The following SSC5D variants were observed in gnomAD, a reference collection of about 807,000 sequenced individuals.
SSC5D encodes the protein soluble scavenger receptor cysteine-rich domain-containing protein SSC5D.
In SSC5D, 106 loss-of-function variants were observed where a neutral mutation model predicts 104.6. The observed-to-expected ratio is 1.01, with a 90% CI of 0.87 to 1.19. SSC5D has a LOEUF of 1.19. Ranked by LOEUF, SSC5D falls within the 50% of genes most tolerant of loss-of-function variation. The probability of loss-of-function intolerance (pLI) is 0.00; values close to 1 mark genes in which losing one functional copy is unlikely to be tolerated. For synonymous variants in SSC5D, 860 were observed against 883.5 expected (o/e 0.97, Z 0.47); for missense variants, 1,993 against 2,153.8 (o/e 0.93, Z 1.48).
rs1003635037 is a variant in SSC5D at position 55,493,743 on chromosome 19, AGGGGCGCTGGCCGCCCCCG to A, written c.1052_1070del (p.Leu351ProfsTer79). 21 of 1,523,262 alleles carry A rather than the reference AGGGGCGCTGGCCGCCCCCG, an allele frequency of 1.4e-5. No individual in the cohort carries two copies. Among genetic ancestry groups the A allele is most frequent in the Middle Eastern group, 3.6e-4 (2 of 5,614 alleles). The allele number at this position is 1,523,262 out of a possible 1,614,324, so 94.4% of individuals were successfully genotyped here. On this transcript the variant is annotated frameshift_variant, in exon 7 of 14. Coordinates refer to ENST00000389623, the MANE Select transcript of SSC5D (RefSeq NM_001144950.2). LOFTEE classifies it high-confidence loss of function. ...TGGCCTGCCGAGAGCTGGGCTGCGGAGGGGCGCTGGCCGCCCCCGGGGGCGCCTTCTTTGGGGAGGGGTC... is the reference window on the plus strand; with the variant it reads ...TGGCCTGCCGAGAGCTGGGCTGCGGAGGGGCGCCTTCTTTGGGGAGGGGTC...
rs1219172280 is a variant in SSC5D at position 55,501,018 on chromosome 19, C to A, written c.2618-16C>A. On this transcript the variant is annotated splice_polypyrimidine_tract_variant and intron_variant, in intron 11 of 13. Coordinates refer to ENST00000389623, the MANE Select transcript of SSC5D (RefSeq NM_001144950.2). ...GAAAGAGGATGGGGTCAACCATTAC[C>A]CCAATTTCTCCAAAGGCTACACAGA... 2 of 1,551,710 alleles carry A rather than the reference C, an allele frequency of 1.3e-6. No individual in the cohort carries two copies. The highest frequency in any genetic ancestry group is 1.7e-6 in the Non-Finnish European group (2 of 1,146,928).
In SSC5D at chr19:55,500,790, G is replaced by A. The variant is rs930258067; in HGVS notation, c.2603G>A (p.Gly868Glu). The change falls in exon 11 of 14, where the codon GGG (glycine) becomes GAG (glutamate). Residue 868 changes from glycine to glutamate, a missense_variant. Physicochemically the swap from Gly to Glu is moderately conservative, Grantham distance 98. Coordinates refer to ENST00000389623, the MANE Select transcript of SSC5D (RefSeq NM_001144950.2). This position sits in a 1 kb window ranked among gnomAD's most constrained non-coding sequence, Gnocchi z 4.6. ...KHNCDHEEDV[G>E]LTCTGYTDYD... ...AACTGTGACCACGAGGAAGACGTGG[G>A]GCTCACCTGCACTGGTACCAGGGCA... 23 of 1,550,076 alleles carry A rather than the reference G, an allele frequency of 1.5e-5. No homozygotes were observed. In the African/African-American group the frequency reaches 2.3e-4, roughly 16 times the overall value.
In SSC5D at chr19:55,517,273, G is replaced by A. The variant is rs1337347585; in HGVS notation, c.2997G>A (p.Ala999=). ...AGCGCCGGCCACCGCGGCCCGCTGC[G>A]ACCAGGACAGCGCCCCCAACCCCGT... ...WPERRPPRPA[A]TRTAPPTPSP... Residue 999 remains alanine, a synonymous_variant, in exon 14 of 14, where the codon GCG becomes GCA. Transcript: ENST00000389623. 1.3e-6 allele frequency: 2 copies of A among 1,546,146 alleles called. No homozygotes were observed. The highest frequency in any genetic ancestry group is 2.0e-5 in the Admixed American group (1 of 50,934).
chr19:55,501,735 G>T (rs1229120278), intron 12 of SSC5D, among the ~76,000 whole-genome samples: 1 of 152,086 alleles, frequency 6.6e-6, no homozygotes, highest in Non-Finnish European at 1.5e-5. Flanking sequence ...TCTTGCTGCT[G>T]CAGCTCCTTC....
chr19:55,509,263 G>A (rs377138426), intron 12 of SSC5D, among the ~76,000 whole-genome samples: 1 of 152,210 alleles, frequency 6.6e-6, no homozygotes, highest in East Asian at 1.9e-4. Flanking sequence ...CATGAAGGCT[G>A]TAGGATAAAG....
intron 13 of SSC5D, among the ~76,000 whole-genome samples, chr19:55,514,676 G>A (rs1753376241): frequency 2.0e-5 from 3 of 151,676 alleles, no homozygotes. Context: ...TGAGCTCCAT[G>A]ACGTAGATCT....
chr19:55,510,590 G>A (rs529470238), intron 12 of SSC5D, among the ~76,000 whole-genome samples: 81 of 148,936 alleles, frequency 5.4e-4, no homozygotes, highest in African/African-American at 1.8e-3. Flanking sequence ...CTCGTGATCC[G>A]CCCACCTCAG....
At chr19:55,513,227 G>C in intron 13 of SSC5D, 55 bp downstream of exon 13, 2 of 1,438,496 alleles carry the variant, frequency 1.4e-6, no homozygotes, top group Non-Finnish European at 9.2e-7. Context: ...CTGGGGTAAA[G>C]AGACAGATTC....
intron 13 of SSC5D, among the ~76,000 whole-genome samples, chr19:55,515,415 A>AAAAAG (rs1555767622): frequency 1.3e-4 from 18 of 143,898 alleles, no homozygotes; most frequent in African/African-American, 2.4e-4. Flanking sequence ...AAAAAAAAAA[A>AAAAAG]AAGTTAAATG....
At chr19:55,512,199 CAAAAA>C (rs56354207) in intron 12 of SSC5D, among the ~76,000 whole-genome samples, 1 of 129,056 alleles carries the variant, frequency 7.7e-6, no homozygotes, top group Admixed American at 7.8e-5. Flanking sequence ...GACTTGGTCT[CAAAAA>C]AAAAAAAAAA....
At chr19:55,515,504 G>A (rs931938487) in intron 13 of SSC5D, among the ~76,000 whole-genome samples, 4 of 151,912 alleles carry the variant, frequency 2.6e-5, no homozygotes, top group South Asian at 2.1e-4. Context: ...AGGCCGAAGC[G>A]GGCGGATCAC....
chr19:55,488,688 A>T, intron 1 of SSC5D, 74 bp downstream of exon 1: 3 of 1,384,228 alleles, frequency 2.2e-6, no homozygotes, highest in Non-Finnish European at 3.0e-6. Flanking sequence ...TGTCCAGTTT[A>T]GGGACTCAAA....
At chr19:55,512,365 C>CAAAAAAA (rs374519949) in intron 12 of SSC5D, among the ~76,000 whole-genome samples, 3 of 132,756 alleles carry the variant, frequency 2.3e-5, no homozygotes, top group African/African-American at 8.5e-5. Context: ...TGCATTTGGC[C>CAAAAAAA]AAAAAAAAAA....
chr19:55,501,320 A>G (rs1987498179), intron 12 of SSC5D, 119 bp downstream of exon 12: 1 of 1,258,280 alleles, frequency 7.9e-7, no homozygotes, highest in South Asian at 1.6e-5. Context: ...GCACCCTGGA[A>G]AGGTTTTCCT....
chr19:55,519,067 A>C lies in SSC5D; in HGVS notation c.*69A>C. The C allele has an allele frequency of 2.8e-6, 4 of 1,437,124 alleles. No individual in the cohort carries two copies. The highest frequency in any genetic ancestry group is 3.7e-6 in the Non-Finnish European group (4 of 1,070,048). 89.0% of individuals were successfully genotyped at this position (1,437,124 alleles called of 1,614,324 possible). On this transcript the variant is annotated 3_prime_UTR_variant, in exon 14 of 14. Coordinates refer to ENST00000389623, the MANE Select transcript of SSC5D (RefSeq NM_001144950.2). ...AAAACAAAAACAAAAAAAACCCCCA[A>C]AGTATCTAATTAAAAACAAGGTGTG... is the stretch of plus-strand genomic sequence containing the variant.
At chr19:55,504,560 G>A (rs1987596533) in intron 12 of SSC5D, among the ~76,000 whole-genome samples, 1 of 152,112 alleles carries the variant, frequency 6.6e-6, no homozygotes, top group Non-Finnish European at 1.5e-5. Flanking sequence ...GAGTGCAGTG[G>A]CGCTATCTCA....
chr19:55,495,860 C>T (rs972818907), intron 8 of SSC5D, among the ~76,000 whole-genome samples: 7 of 151,580 alleles, frequency 4.6e-5, no homozygotes, highest in East Asian at 1.9e-4. Flanking sequence ...CTCCCACCTC[C>T]GCCTCCTGGG....
At chr19:55,491,763 CTCCT>C (rs2123430220) in intron 6 of SSC5D, 1 of 152,612 alleles carries the variant, frequency 6.6e-6, no homozygotes, top group South Asian at 2.1e-4. Context: ...GGCTCCCTCC[CTCCT>C]TCTCTCCTTC....
intron 12 of SSC5D, among the ~76,000 whole-genome samples, chr19:55,504,511 T>C (rs1987595592): frequency 6.6e-6 from 1 of 152,212 alleles, no homozygotes; most frequent in African/African-American, 2.4e-5. Flanking sequence ...ATTTATTTAT[T>C]ATTTATTGAG....
Sources: gnomAD v4.1 joint callset for allele counts (sites outside exome capture counted in the v4.1 genomes callset) on GRCh38, gnomAD v4.1.1 for gene constraint, Gnocchi (gnomAD v3.1) non-coding constraint, MANE v1.5 for transcripts, NCBI Gene and HGNC (gene_info 2026-07-23, HGNC 2026-07-21) for gene names.